The following CD5 variants were observed in gnomAD, a reference collection of about 807,000 sequenced individuals.
CD5 encodes the protein CD5 molecule.
Under a neutral mutation model 60.3 loss-of-function variants are expected in CD5, and 36 were observed. That is an observed-to-expected ratio of 0.60 (90% CI 0.46 to 0.79). CD5 has a LOEUF of 0.79. Among genes scored for constraint, CD5 ranks in the 30% least tolerant of loss-of-function variants. The pLI is 0.00. For synonymous variants in CD5, 230 were observed against 257.6 expected (o/e 0.89, Z 1.03); for missense variants, 540 against 630.6 (o/e 0.86, Z 1.54).
At chr11:61,121,128 C>A (rs1454770934) in intron 5 of CD5, among the ~76,000 whole-genome samples, 1 of 152,268 alleles carries the variant, frequency 6.6e-6, no homozygotes, top group African/African-American at 2.4e-5. Flanking sequence ...TCTGTCCCAA[C>A]TGTGAACTGC....
the CD5 span, among the ~76,000 whole-genome samples, chr11:61,096,570 T>C: frequency 2.6e-5 from 4 of 152,258 alleles, no homozygotes; most frequent in African/African-American, 2.4e-5. Flanking sequence ...TCACCAGTTC[T>C]TGTACATGCC....
chr11:61,106,658 CTG>C (rs144124304), intron 1 of CD5, among the ~76,000 whole-genome samples: 1 of 151,916 alleles, frequency 6.6e-6, no homozygotes, highest in Non-Finnish European at 1.5e-5. Flanking sequence ...AACATCTATT[CTG>C]TGTGTGTGTG....
At chr11:61,106,489 C>T (rs1271369423) in intron 1 of CD5, among the ~76,000 whole-genome samples, 1 of 152,138 alleles carries the variant, frequency 6.6e-6, no homozygotes, top group Non-Finnish European at 1.5e-5. Flanking sequence ...TCATCCTCCT[C>T]GAAGACCCAG....
At chr11:61,123,826 T>TCCCCC in intron 7 of CD5, 58 bp from the exon 8 acceptor site, 1 of 276,696 alleles carries the variant, frequency 3.6e-6, no homozygotes, top group South Asian at 3.0e-5. Context: ...CACCCCTGCC[T>TCCCCC]GCCCCCACCC....
chr11:61,102,643 A>G (rs1860713485), intron 1 of CD5, 28 bp downstream of exon 1: 1 of 1,559,224 alleles, frequency 6.4e-7, no homozygotes, highest in African/African-American at 1.4e-5. Context: ...GTGTCCTGCG[A>G]ACACCCGGGC....
chr11:61,116,047 C>A (rs1860938007), intron 2 of CD5, among the ~76,000 whole-genome samples: 1 of 152,168 alleles, frequency 6.6e-6, no homozygotes, highest in Admixed American at 6.5e-5. Flanking sequence ...GCCAAGTGCC[C>A]TTGGCGAGCC....
upstream of CD5, among the ~76,000 whole-genome samples, chr11:61,099,430 T>TTA (rs1860626333): frequency 6.5e-5 from 5 of 77,164 alleles, no homozygotes; most frequent in South Asian, 1.7e-3. Context: ...AACATGGAGA[T>TTA]CACACACACA....
chr11:61,103,393 GA>G (rs1429515976), intron 1 of CD5, among the ~76,000 whole-genome samples: 1 of 152,242 alleles, frequency 6.6e-6, no homozygotes, highest in Non-Finnish European at 1.5e-5. Flanking sequence ...CAGGGTGACA[GA>G]GGTGCGTGAC....
At chr11:61,116,736 ACAC>A (rs1332361524) in intron 2 of CD5, among the ~76,000 whole-genome samples, 1 of 116,100 alleles carries the variant, frequency 8.6e-6, no homozygotes, top group Non-Finnish European at 1.8e-5. Flanking sequence ...CACCACACAC[ACAC>A]CACATACACC....
At chr11:61,101,911 TACA>T (rs1307001652), upstream of CD5, among the ~76,000 whole-genome samples, 24 of 142,464 alleles carry the variant, frequency 1.7e-4, no homozygotes, top group African/African-American at 4.1e-4. Flanking sequence ...TCTCTCTCTC[TACA>T]CACACACACA....
chr11:61,116,601 A>C, intron 2 of CD5, among the ~76,000 whole-genome samples: 1 of 39,390 alleles, frequency 2.5e-5, no homozygotes, highest in Non-Finnish European at 5.0e-5. Flanking sequence ...ACTACACACC[A>C]CACACCACAC....
chr11:61,124,023 C>A, intron 8 of CD5, 86 bp downstream of exon 8: 1 of 1,088,742 alleles, frequency 9.2e-7, no homozygotes, highest in Non-Finnish European at 1.4e-6. Context: ...TGACCACAGA[C>A]GGAGCCTGTG....
intron 1 of CD5, among the ~76,000 whole-genome samples, chr11:61,108,768 C>A (rs1860809301): frequency 6.6e-6 from 1 of 152,192 alleles, no homozygotes; most frequent in South Asian, 2.1e-4. Flanking sequence ...ACCTGACTTG[C>A]AAACTACACT....
In CD5 at chr11:61,126,606, C is replaced by G. The variant is rs553740725; in HGVS notation, c.*321C>G. 6.6e-6 allele frequency: 1 copy of G among 152,268 alleles called. No homozygotes were observed. 9.4% of individuals were successfully genotyped at this position (152,268 alleles called of 1,614,324 possible). The stretch of plus-strand genomic sequence containing the variant: ...CTGGGGAGCGGCGTCTCAGTGAAAT[C>G]GGCTTTCTCCTCAGACTCTGTCCCT... On this transcript the variant is annotated 3_prime_UTR_variant, in exon 11 of 11. Coordinates refer to ENST00000347785, the MANE Select transcript of CD5 (RefSeq NM_014207.4).
chr11:61,121,096 G>A (rs933408908), intron 5 of CD5, among the ~76,000 whole-genome samples: 2 of 152,258 alleles, frequency 1.3e-5, no homozygotes, highest in Non-Finnish European at 2.9e-5. Flanking sequence ...GGCCCTCAGC[G>A]TTCAGTGCCT....
intron 2 of CD5, among the ~76,000 whole-genome samples, chr11:61,115,751 G>A (rs1199050858): frequency 6.6e-6 from 1 of 152,214 alleles, no homozygotes; most frequent in Admixed American, 6.5e-5. Context: ...CGTGCTGAAT[G>A]TACCTGGGGA....
upstream of CD5, among the ~76,000 whole-genome samples, chr11:61,098,284 C>T (rs145017423): frequency 3.7e-3 from 560 of 152,298 alleles, 2 homozygotes; most frequent in Middle Eastern, 0.014. Context: ...AATGCTTCAG[C>T]CCAAGTGTAC....
chr11:61,123,811 A>AGGCC, intron 7 of CD5, 73 bp from the exon 8 acceptor site: 10 of 262,092 alleles, frequency 3.8e-5, no homozygotes, highest in East Asian at 2.8e-4. Context: ...GCCCAGCCCC[A>AGGCC]TCCCCACCCC....
chr11:61,107,260 C>T (rs1860789738), intron 1 of CD5, among the ~76,000 whole-genome samples: 1 of 152,140 alleles, frequency 6.6e-6, no homozygotes, highest in South Asian at 2.1e-4. Flanking sequence ...GGCAGAGGGG[C>T]CTCCAGCTGC....
Sources: gnomAD v4.1 joint callset for allele counts (sites outside exome capture counted in the v4.1 genomes callset) on GRCh38, gnomAD v4.1.1 for gene constraint, MANE v1.5 for transcripts, NCBI Gene and HGNC (gene_info 2026-07-23, HGNC 2026-07-21) for gene names.